Variants in DIAPH2 observed in about 807,000 individuals in gnomAD.
The protein encoded by DIAPH2 is protein diaphanous homolog 2.
A neutral mutation model predicts 92.7 loss-of-function variants in DIAPH2; 35 were observed. The observed-to-expected ratio is 0.38, with a 90% CI of 0.29 to 0.50. The LOEUF (loss-of-function observed/expected upper bound fraction) is 0.50, where lower values mean the gene tolerates loss of function less well. Among genes scored for constraint, DIAPH2 ranks in the 20% least tolerant of loss-of-function variants. DIAPH2 has a pLI of 0.94. For synonymous variants in DIAPH2, 301 were observed against 280.4 expected (o/e 1.07, Z -0.73); for missense variants, 701 against 819.5 (o/e 0.86, Z 1.77).
chrX:97,572,064 C>T (rs1569426659), intron 26 of DIAPH2, among the ~76,000 whole-genome samples: 7 of 93,980 alleles, frequency 7.4e-5, no homozygotes. Flanking sequence ...GGAACTTGTG[C>T]TAGTCTCCTG....
chrX:96,880,204 C>A (rs750267614), intron 4 of DIAPH2, among the ~76,000 whole-genome samples: 42 of 111,366 alleles, frequency 3.8e-4, no homozygotes, highest in African/African-American at 1.3e-3. Context: ...AAATTCATGA[C>A]CGGTGTTAGT....
intron 21 of DIAPH2, among the ~76,000 whole-genome samples, chrX:97,119,420 C>T (rs1394942049): frequency 1.8e-5 from 2 of 111,561 alleles, no homozygotes; most frequent in East Asian, 5.7e-4. Context: ...ATGGGCCTCT[C>T]AGCTGTAGAT....
At chrX:96,975,798 C>G in intron 17 of DIAPH2, among the ~76,000 whole-genome samples, 1 of 110,899 alleles carries the variant, frequency 9.0e-6, no homozygotes, top group South Asian at 3.9e-4. Context: ...GGTGAGCTGT[C>G]TTTCTGAAGT....
intron 4 of DIAPH2, among the ~76,000 whole-genome samples, chrX:96,816,507 T>C (rs1412237609): frequency 2.7e-5 from 3 of 112,321 alleles, no homozygotes; most frequent in Non-Finnish European, 5.6e-5. Context: ...GAAATACATA[T>C]TAAAATTACA....
chrX:97,047,542 C>CTTTTT (rs5903064), intron 17 of DIAPH2, among the ~76,000 whole-genome samples: 3 of 30,101 alleles, frequency 1.0e-4, no homozygotes, highest in Non-Finnish European at 1.6e-4. Context: ...ATAAAATAGG[C>CTTTTT]TTTTTTTTTT....
At chrX:96,984,560 T>G in intron 17 of DIAPH2, among the ~76,000 whole-genome samples, 1 of 111,812 alleles carries the variant, frequency 8.9e-6, no homozygotes, top group South Asian at 3.7e-4. Context: ...TTATCTCCAT[T>G]ATTTGTCTCT....
chrX:97,273,706 G>C (rs2068410268), intron 23 of DIAPH2, among the ~76,000 whole-genome samples: 1 of 111,813 alleles, frequency 8.9e-6, no homozygotes, highest in Non-Finnish European at 1.9e-5. Flanking sequence ...GGGGGGATTT[G>C]TACATGTAAA....
intron 26 of DIAPH2, among the ~76,000 whole-genome samples, chrX:97,592,184 G>T (rs2071522207): frequency 9.0e-6 from 1 of 111,498 alleles, no homozygotes; most frequent in Non-Finnish European, 1.9e-5. Context: ...TAATATTATT[G>T]TACTATGTGA....
intron 17 of DIAPH2, among the ~76,000 whole-genome samples, chrX:97,057,293 A>G (rs1368672136): frequency 8.9e-6 from 1 of 111,903 alleles, no homozygotes; most frequent in African/African-American, 3.2e-5. Flanking sequence ...TTCACTTCAT[A>G]GGGTAACACC....
chrX:97,093,229 G>A (rs1442807128), intron 19 of DIAPH2, among the ~76,000 whole-genome samples: 1 of 103,826 alleles, frequency 9.6e-6, no homozygotes, highest in African/African-American at 3.5e-5. Context: ...GAGGGAGGGA[G>A]GGAGGGGGGG....
chrX:96,942,112 G>A lies in DIAPH2; in HGVS notation c.1420G>A (p.Asp474Asn). 1 of 1,164,566 alleles carries A rather than the reference G, an allele frequency of 8.6e-7. No individual in the cohort carries two copies. Among genetic ancestry groups the A allele is most frequent in the Non-Finnish European group, 1.2e-6 (1 of 853,481 alleles). Residue 474 changes from aspartate (D) to asparagine (N), a missense_variant, in exon 13 of 27, where the codon GAC (aspartate) becomes AAC (asparagine). Physicochemically the swap from Asp to Asn is conservative, Grantham distance 23. Transcript: ENST00000324765. ...DPDFKYRQRL[D>N]IDLTHLIDSC... ...AGACTTCAAATACAGGCAAAGATTA[G>A]ACATCGATTTAACTCATCTGATAGG... is the stretch of plus-strand genomic sequence containing the variant.
intron 4 of DIAPH2, among the ~76,000 whole-genome samples, chrX:96,865,963 G>A (rs929000690): frequency 2.7e-5 from 3 of 111,669 alleles, no homozygotes; most frequent in Non-Finnish European, 5.6e-5. Flanking sequence ...AATGAAACTG[G>A]GAAAAATTGT....
chrX:97,257,767 C>T (rs2068249220), intron 23 of DIAPH2, among the ~76,000 whole-genome samples: 1 of 111,219 alleles, frequency 9.0e-6, no homozygotes, highest in Non-Finnish European at 1.9e-5. Context: ...AAAAATCATA[C>T]TTGGCTTGCC....
At chrX:96,776,848 A>G (rs1388182760) in intron 4 of DIAPH2, among the ~76,000 whole-genome samples, 1 of 111,871 alleles carries the variant, frequency 8.9e-6, no homozygotes, top group Non-Finnish European at 1.9e-5. Context: ...ATTTTAGAAA[A>G]TGTGAGAATG....
chrX:96,962,476 TATACACACACACACACACAC>T lies in DIAPH2; in HGVS notation c.1936-2613_1936-2594del, dbSNP rs1230560360. ...ACACACATATATATATACATATATA[TATACACACACACACACACAC>T]ATATATATATATATATATATATATA... On this transcript the variant is annotated intron_variant, in intron 16 of 26. Transcript: ENST00000324765. 1.1e-3 allele frequency among the ~76,000 whole-genome samples: 25 copies of T among 23,780 alleles called. 2 individuals carry two copies. Among genetic ancestry groups the T allele is most frequent in the African/African-American group, 3.0e-3 (25 of 8,374 alleles). The allele number at this position is 23,780 out of a possible 115,157, so 20.7% of individuals were successfully genotyped here. A position where few individuals can be genotyped will look rare whatever the true frequency, so the allele number is the denominator to read the frequency against.
intron 17 of DIAPH2, among the ~76,000 whole-genome samples, chrX:97,038,450 A>G (rs1015225089): frequency 4.5e-5 from 5 of 110,037 alleles, no homozygotes; most frequent in African/African-American, 1.7e-4. Context: ...TTCCATAGTC[A>G]TTTTACTAAT....
At chrX:97,145,199 T>C (rs867442147) in intron 22 of DIAPH2, among the ~76,000 whole-genome samples, 20 of 111,137 alleles carry the variant, frequency 1.8e-4, no homozygotes, top group African/African-American at 6.2e-4. Flanking sequence ...TTAGTTAACA[T>C]AGGCATTGCA....
intron 19 of DIAPH2, among the ~76,000 whole-genome samples, chrX:97,088,090 A>G (rs1479615892): frequency 2.7e-5 from 3 of 111,856 alleles, no homozygotes; most frequent in Non-Finnish European, 5.6e-5. Context: ...TTAAGAAGTG[A>G]TTGCAATGAT....
At chrX:97,275,162 T>C (rs1379945771) in intron 23 of DIAPH2, among the ~76,000 whole-genome samples, 3 of 111,816 alleles carry the variant, frequency 2.7e-5, no homozygotes, top group Non-Finnish European at 5.7e-5. Context: ...TGGGTACACC[T>C]CCCAGACGGG....
Sources: allele counts gnomAD v4.1 joint callset (sites outside exome capture counted in the v4.1 genomes callset), GRCh38; gene constraint gnomAD v4.1.1; transcripts MANE v1.5; gene names NCBI Gene and HGNC (gene_info 2026-07-23, HGNC 2026-07-21).